KCNIP4: variants seen among roughly 807,000 people sequenced by gnomAD.
KCNIP4 encodes the protein potassium voltage-gated channel interacting protein 4, also known as Kv channel-interacting protein 4.
In KCNIP4, 12 loss-of-function variants were observed where a neutral mutation model predicts 34.0. That is an observed-to-expected ratio of 0.35 (90% CI 0.23 to 0.57). The LOEUF is 0.57. Ranked by LOEUF, KCNIP4 falls within the 20% of genes least tolerant of loss-of-function variation. The pLI, the probability that KCNIP4 is intolerant of heterozygous loss-of-function variation, is 0.83. For missense variants in KCNIP4, 238 were observed against 311.7 expected (o/e 0.76, Z 1.78); for synonymous variants, 124 against 102.2 (o/e 1.21, Z -1.29).
intron 1 of KCNIP4, among the ~76,000 whole-genome samples, chr4:21,471,631 G>C (rs1416754334): frequency 6.6e-6 from 1 of 152,164 alleles, no homozygotes; most frequent in Admixed American, 6.6e-5. Flanking sequence ...AAAGGGGAAT[G>C]AGACAGTAAA....
chr4:21,140,015 G>C (rs1021586213), intron 1 of KCNIP4, among the ~76,000 whole-genome samples: 2 of 152,104 alleles, frequency 1.3e-5, no homozygotes, highest in African/African-American at 4.8e-5. Context: ...GATGTCCCTG[G>C]AGAGTCAATT....
At chr4:21,826,883 T>C (rs360699) in intron 1 of KCNIP4, among the ~76,000 whole-genome samples, 148,782 of 152,148 alleles carry the variant, frequency 0.98, 72,834 homozygotes, top group East Asian at 1. Flanking sequence ...AAGTAAATAC[T>C]GAAAACCTAA....
At chr4:20,931,700 A>C (rs1196868057) in intron 1 of KCNIP4, among the ~76,000 whole-genome samples, 1 of 152,166 alleles carries the variant, frequency 6.6e-6, no homozygotes, top group South Asian at 2.1e-4. Flanking sequence ...ACTGTACTAC[A>C]TGATTTCACT....
intron 1 of KCNIP4, chr4:21,762,959 C>T (rs866604578): frequency 1.6e-6 from 2 of 1,288,868 alleles, no homozygotes; most frequent in South Asian, 2.5e-5. Flanking sequence ...CGAAGTCTCC[C>T]TCTGGGACCA....
intron 1 of KCNIP4, among the ~76,000 whole-genome samples, chr4:21,434,577 G>T (rs905183048): frequency 2.6e-5 from 4 of 152,022 alleles, no homozygotes; most frequent in African/African-American, 9.7e-5. Flanking sequence ...AGGCAAGTGA[G>T]CATTACTGCC....
At chr4:21,885,954 C>T (rs1464622504) in intron 1 of KCNIP4, among the ~76,000 whole-genome samples, 2 of 152,180 alleles carry the variant, frequency 1.3e-5, no homozygotes, top group South Asian at 2.1e-4. Flanking sequence ...TTCTATTACG[C>T]CTGCAGTTTT....
intron 1 of KCNIP4, among the ~76,000 whole-genome samples, chr4:21,197,463 G>A (rs576744889): frequency 2.6e-5 from 4 of 152,062 alleles, no homozygotes; most frequent in African/African-American, 9.6e-5. Context: ...ACAACCATTT[G>A]GGATAGAACT....
chr4:20,993,440 G>C lies in KCNIP4; in HGVS notation c.62-110731C>G, dbSNP rs148904948. 6.3e-4 allele frequency among the ~76,000 whole-genome samples: 96 copies of C among 152,282 alleles called. No homozygotes were observed. The East Asian group carries it at 7.2e-3, about 11-fold the overall frequency. On this transcript the variant is annotated intron_variant, in intron 1 of 8. Coordinates refer to ENST00000382152, the MANE Select transcript of KCNIP4 (RefSeq NM_025221.6). ...CCTAAATCAGAAGCATCTATGAATA[G>C]CTTCCAAGATTCATTGTAACCCAGC...
At chr4:21,445,540 AC>A (rs1319343236) in intron 1 of KCNIP4, among the ~76,000 whole-genome samples, 1 of 152,254 alleles carries the variant, frequency 6.6e-6, no homozygotes, top group Admixed American at 6.5e-5. Context: ...TCCCTATTTA[AC>A]AAATGGTGCT....
chr4:21,096,570 G>A (rs1051651477), intron 1 of KCNIP4, among the ~76,000 whole-genome samples: 1 of 151,746 alleles, frequency 6.6e-6, no homozygotes, highest in Non-Finnish European at 1.5e-5. Context: ...TTTTATTATA[G>A]CAACCACCAA....
Position 21,668,343 on chromosome 4 carries a change from T to G in KCNIP4, c.61+280228A>C, listed in dbSNP as rs113254269. On this transcript the variant is annotated intron_variant, in intron 1 of 8. Coordinates refer to ENST00000382152, the MANE Select transcript of KCNIP4 (RefSeq NM_025221.6). ...TACACGTTCTGCACATATATCCCGG[T>G]TTTTTTTAGAAGAAAAAAAAACTGC... Among the ~76,000 whole-genome samples the G allele has an allele frequency of 5.5e-3, 833 of 151,596 alleles. 5 individuals are homozygous for G. The highest frequency in any genetic ancestry group is 0.018 in the African/African-American group (740 of 41,132).
chr4:21,098,751 C>T lies in KCNIP4; in HGVS notation c.62-216042G>A, dbSNP rs191134394. Among the ~76,000 whole-genome samples, 993 of 152,268 alleles carry T rather than the reference C, an allele frequency of 6.5e-3. 11 individuals are homozygous for T. Among genetic ancestry groups the T allele is most frequent in the Non-Finnish European group, 8.7e-3 (595 of 68,014 alleles). On this transcript the variant is annotated intron_variant, in intron 1 of 8. Coordinates refer to ENST00000382152, the MANE Select transcript of KCNIP4 (RefSeq NM_025221.6). ...GTTTTCACACCTGCTAACACAGCAT[C>T]CATTCTGTAGCTCATGGATCAATGA...
At chr4:21,456,873 CTCAAGATGTG>C (rs1332171618) in intron 1 of KCNIP4, among the ~76,000 whole-genome samples, 2 of 152,160 alleles carry the variant, frequency 1.3e-5, no homozygotes, top group African/African-American at 4.8e-5. Context: ...TCCCAAAGAT[CTCAAGATGTG>C]TCAAGAACTC....
At chr4:21,238,625 A>G (rs1182554226) in intron 1 of KCNIP4, among the ~76,000 whole-genome samples, 1 of 152,316 alleles carries the variant, frequency 6.6e-6, no homozygotes, top group South Asian at 2.1e-4. Context: ...ACTCCCATTC[A>G]CAATTGCTTC....
chr4:21,353,493 T>A (rs1467388327), intron 1 of KCNIP4, among the ~76,000 whole-genome samples: 1 of 152,152 alleles, frequency 6.6e-6, no homozygotes, highest in Non-Finnish European at 1.5e-5. Flanking sequence ...AAGAACTTCA[T>A]GATGCATACA....
At chr4:21,122,090 A>G (rs1750209828) in intron 1 of KCNIP4, among the ~76,000 whole-genome samples, 1 of 152,196 alleles carries the variant, frequency 6.6e-6, no homozygotes, top group Non-Finnish European at 1.5e-5. Context: ...ATTAGGTAAA[A>G]TTTACTAAAA....
intron 3 of KCNIP4, 116 bp from the exon 4 acceptor site, chr4:20,759,006 T>C: frequency 1.4e-6 from 1 of 720,064 alleles, no homozygotes; most frequent in Non-Finnish European, 2.4e-6. Context: ...AAATTAACCA[T>C]TCATCCATTA....
chr4:21,736,195 A>G (rs1715977427), intron 1 of KCNIP4, among the ~76,000 whole-genome samples: 1 of 152,158 alleles, frequency 6.6e-6, no homozygotes, highest in Admixed American at 6.6e-5. Flanking sequence ...GGTCATGTAT[A>G]CTGAGTGAAA....
At chr4:21,919,939 T>C (rs981201768) in intron 1 of KCNIP4, among the ~76,000 whole-genome samples, 4 of 152,162 alleles carry the variant, frequency 2.6e-5, no homozygotes, top group African/African-American at 9.7e-5. Flanking sequence ...GAGATTTATG[T>C]TATAGTTAAA....
Sources: gnomAD v4.1 joint callset for allele counts (sites outside exome capture counted in the v4.1 genomes callset) on GRCh38, gnomAD v4.1.1 for gene constraint, MANE v1.5 for transcripts, NCBI Gene and HGNC (gene_info 2026-07-23, HGNC 2026-07-21) for gene names.